The following UGGT2 variants were observed in gnomAD, a reference collection of about 807,000 sequenced individuals.
UGGT2 encodes the protein UDP-glucose glycoprotein glucosyltransferase 2.
UGGT2 carries 180 observed loss-of-function variants against 192.1 expected under a neutral mutation model. That is an observed-to-expected ratio of 0.94 (90% CI 0.83 to 1.06). The LOEUF (loss-of-function observed/expected upper bound fraction) is 1.06. Among genes scored for constraint, UGGT2 ranks in the 50% least tolerant of loss-of-function variants. UGGT2 has a pLI of 0.00. For synonymous variants in UGGT2, 580 were observed against 591.0 expected (o/e 0.98, Z 0.27); for missense variants, 1,849 against 1,795.7 (o/e 1.03, Z -0.54).
At chr13:95,965,635 TA>T (rs571700615) in intron 12 of UGGT2, among the ~76,000 whole-genome samples, 3,825 of 150,944 alleles carry the variant, frequency 0.025, 63 homozygotes, top group Non-Finnish European at 0.033. Context: ...GTGATATACC[TA>T]ATGCTAAATG....
chr13:95,968,504 T>C (rs564417454), intron 12 of UGGT2, among the ~76,000 whole-genome samples: 2 of 152,246 alleles, frequency 1.3e-5, no homozygotes, highest in Non-Finnish European at 2.9e-5. Context: ...TGGGGGCAGA[T>C]CCCTCATGTC....
chr13:95,914,407 T>C (rs781611000), intron 20 of UGGT2, among the ~76,000 whole-genome samples: 6 of 151,962 alleles, frequency 3.9e-5, no homozygotes, highest in Non-Finnish European at 8.8e-5. Context: ...TCAATTTCCT[T>C]GGACAAGTGA....
At chr13:95,969,666 A>C (rs2050704409) in intron 12 of UGGT2, among the ~76,000 whole-genome samples, 1 of 152,236 alleles carries the variant, frequency 6.6e-6, no homozygotes, top group East Asian at 1.9e-4. Context: ...TCTCTGCTTA[A>C]GCAAGAAAGG....
intron 34 of UGGT2, 36 bp downstream of exon 34, chr13:95,856,118 ATGTT>A (rs969373222): frequency 2.7e-6 from 4 of 1,499,106 alleles, no homozygotes; most frequent in Non-Finnish European, 3.6e-6. Flanking sequence ...AGTGTAAAAA[ATGTT>A]TGCGTATTAC....
At chr13:95,861,507 G>A (rs1307446350) in intron 31 of UGGT2, among the ~76,000 whole-genome samples, 1 of 152,004 alleles carries the variant, frequency 6.6e-6, no homozygotes, top group African/African-American at 2.4e-5. Context: ...GGGCCCAGCT[G>A]TCATTTTCAT....
intron 38 of UGGT2, among the ~76,000 whole-genome samples, chr13:95,821,560 C>T (rs570412180): frequency 6.6e-6 from 1 of 152,190 alleles, no homozygotes; most frequent in African/African-American, 2.4e-5. Flanking sequence ...ATTTCTTTTG[C>T]CATGCAGAAG....
intron 21 of UGGT2, 71 bp from the exon 22 acceptor site, chr13:95,901,009 A>G: frequency 9.2e-7 from 1 of 1,090,148 alleles, no homozygotes; most frequent in South Asian, 3.5e-5. Context: ...TTGTTTAAAA[A>G]ACTAATATTA....
chr13:95,951,322 A>C (rs1267397952), intron 12 of UGGT2, among the ~76,000 whole-genome samples: 1 of 152,256 alleles, frequency 6.6e-6, no homozygotes, highest in Non-Finnish European at 1.5e-5. Context: ...ATATTTGAGC[A>C]GTTAGAAGAA....
chr13:95,889,421 C>T (rs535568327), intron 25 of UGGT2, among the ~76,000 whole-genome samples: 1 of 152,184 alleles, frequency 6.6e-6, no homozygotes, highest in South Asian at 2.1e-4. Flanking sequence ...TGGCAGTGCG[C>T]ACTAAATTCT....
chr13:96,038,874 T>C (rs2053083299), intron 1 of UGGT2, among the ~76,000 whole-genome samples: 1 of 152,198 alleles, frequency 6.6e-6, no homozygotes, highest in Non-Finnish European at 1.5e-5. Context: ...CAACTTCATT[T>C]ACAAATTTTA....
intron 12 of UGGT2, among the ~76,000 whole-genome samples, chr13:95,954,155 T>C (rs1321436162): frequency 2.6e-5 from 4 of 152,178 alleles, no homozygotes; most frequent in East Asian, 3.8e-4. Context: ...AAAAATATTG[T>C]CTAAAATTAC....
intron 17 of UGGT2, among the ~76,000 whole-genome samples, chr13:95,927,950 C>T (rs377435971): frequency 1.3e-5 from 2 of 152,140 alleles, no homozygotes; most frequent in African/African-American, 4.8e-5. Context: ...TTAGTGGACA[C>T]AGCACATGTT....
chr13:95,986,299 A>T, intron 9 of UGGT2, 34 bp downstream of exon 9: 1 of 1,386,276 alleles, frequency 7.2e-7, no homozygotes, highest in Non-Finnish European at 1.0e-6. Context: ...AGAAAGAGTT[A>T]TAGCTGCAAT....
At chr13:96,045,080 T>C (rs1275599156) in intron 1 of UGGT2, among the ~76,000 whole-genome samples, 1 of 152,018 alleles carries the variant, frequency 6.6e-6, no homozygotes, top group Admixed American at 6.6e-5. Flanking sequence ...TGAACACAGA[T>C]GTAAAAATCC....
At chr13:95,958,774 G>A (rs928566070) in intron 12 of UGGT2, among the ~76,000 whole-genome samples, 2 of 152,152 alleles carry the variant, frequency 1.3e-5, no homozygotes, top group African/African-American at 4.8e-5. Context: ...AAGCAAGAAA[G>A]GAGAGGGAAA....
intron 38 of UGGT2, among the ~76,000 whole-genome samples, chr13:95,823,662 T>A (rs1885727277): frequency 1.3e-5 from 2 of 152,084 alleles, no homozygotes; most frequent in Admixed American, 1.3e-4. Flanking sequence ...ATATGTTAGT[T>A]AAGTCTCCTG....
chr13:95,911,922 CT>C (rs200987816), intron 20 of UGGT2, among the ~76,000 whole-genome samples: 8,139 of 152,240 alleles, frequency 0.053, 342 homozygotes, highest in East Asian at 0.14. Context: ...GGATGCAAGA[CT>C]GGTTCAACAT....
At chr13:95,886,524 TAACA>T (rs921593680) in intron 26 of UGGT2, among the ~76,000 whole-genome samples, 1 of 152,218 alleles carries the variant, frequency 6.6e-6, no homozygotes, top group African/African-American at 2.4e-5. Flanking sequence ...CTTATGGAAC[TAACA>T]AACCTTTCAA....
intron 6 of UGGT2, among the ~76,000 whole-genome samples, chr13:95,997,211 C>T (rs1427065761): frequency 6.6e-6 from 1 of 151,872 alleles, no homozygotes; most frequent in Non-Finnish European, 1.5e-5. Flanking sequence ...AGGATAGACA[C>T]CAAGAACAAC....
Sources: gnomAD v4.1 joint callset for allele counts (sites outside exome capture counted in the v4.1 genomes callset) on GRCh38, gnomAD v4.1.1 for gene constraint, MANE v1.5 for transcripts, NCBI Gene and HGNC (gene_info 2026-07-23, HGNC 2026-07-21) for gene names.